Variants in PSG11 observed in about 807,000 individuals in gnomAD.
PSG11 encodes pregnancy specific beta-1-glycoprotein 11, also known as pregnancy-specific beta-1-glycoprotein 11.
PSG11 carries 42 observed loss-of-function variants against 36.0 expected under a neutral mutation model. The observed-to-expected ratio is 1.17, with a 90% CI of 0.91 to 1.51. The LOEUF (loss-of-function observed/expected upper bound fraction) is 1.51, where lower values mean the gene tolerates loss of function less well. Among genes scored for constraint, PSG11 ranks in the 40% most tolerant of loss-of-function variants. PSG11 has a pLI of 0.00. For synonymous variants in PSG11, 206 were observed against 153.5 expected (o/e 1.34, Z -2.53); for missense variants, 558 against 403.5 (o/e 1.38, Z -3.28).
intron 3 of PSG11, among the ~76,000 whole-genome samples, chr19:43,017,986 C>T (rs1229187241): frequency 2.6e-5 from 4 of 151,198 alleles, no homozygotes; most frequent in Non-Finnish European, 4.4e-5. Context: ...GGTTTTGGAG[C>T]AGAAACATAT....
At chr19:43,014,977 G>A in intron 4 of PSG11, 139 bp downstream of exon 4, 4 of 1,555,516 alleles carry the variant, frequency 2.6e-6, no homozygotes. Flanking sequence ...CAAATTGGGA[G>A]GGTTCAGGAG....
intron 1 of PSG11, among the ~76,000 whole-genome samples, chr19:43,025,934 C>CTTTTTTTTTTTTTTTTTTTT (rs1967240749): frequency 6.5e-5 from 4 of 61,480 alleles, no homozygotes; most frequent in Non-Finnish European, 8.5e-5. Context: ...TTTTTTTTTT[C>CTTTTTTTTTTTTTTTTTTTT]TCTTTTTTTT....
At chr19:43,019,463 C>T in intron 2 of PSG11, 1 of 208,498 alleles carries the variant, frequency 4.8e-6, no homozygotes, top group East Asian at 1.1e-4. Flanking sequence ...CTGCAGCTTC[C>T]CTTGCCAAGG....
At position 43,015,183 on chromosome 19, in the gene PSG11, A is replaced by G. The variant is rs1399809641; in HGVS notation, c.897T>C (p.Tyr299=). 1 of 1,611,454 alleles carries G rather than the reference A, an allele frequency of 6.2e-7. No homozygotes were observed. The highest frequency in any genetic ancestry group is 8.5e-7 in the Non-Finnish European group (1 of 1,178,434). The change falls in exon 4 of 6, where the codon TAT becomes TAC. Residue 299 remains tyrosine, a synonymous_variant. Transcript: ENST00000320078. ...PQITPKHNGL[Y]ACSARNSATG... ...TGGCTGAGTTACGAGCAGAGCAAGC[A>G]TAGAGCCCATTATGCTTTGGAGTAA...
chr19:43,018,593 A>G lies in PSG11; in HGVS notation c.709+177T>C, dbSNP rs1967023613. 3 of 1,436,444 alleles carry G rather than the reference A, an allele frequency of 2.1e-6. 1 individual carries two copies. In the Admixed American group the frequency reaches 5.7e-5, roughly 27 times the overall value. The allele number at this position is 1,436,444 out of a possible 1,614,324, so 89.0% of individuals were successfully genotyped here. A position where few individuals can be genotyped will look rare whatever the true frequency, so the allele number is the denominator to read the frequency against. ...TGACAGGAGCAGCCTCTTTTCTCCCACTGTGGATCAAGCCTAGGCCTACTG... is the reference window on the plus strand; with the variant it reads ...TGACAGGAGCAGCCTCTTTTCTCCCGCTGTGGATCAAGCCTAGGCCTACTG... On this transcript the variant is annotated intron_variant, in intron 3 of 5. Coordinates refer to ENST00000320078, the MANE Select transcript of PSG11 (RefSeq NM_002785.3).
At position 43,010,905 on chromosome 19, in the gene PSG11, A is replaced by G. The variant is rs573394484; in HGVS notation, c.965-864T>C. 4.7e-3 allele frequency among the ~76,000 whole-genome samples: 693 copies of G among 148,988 alleles called. 26 individuals carry two copies. The highest frequency in any genetic ancestry group is 0.017 in the African/African-American group (678 of 40,194). On this transcript the variant is annotated intron_variant, in intron 4 of 5. Transcript: ENST00000320078. ...CCTCTTTTTCCATATATATATATATATATATATATGGAAAAAGGAAGGTAC... is the reference window on the plus strand; with the variant it reads ...CCTCTTTTTCCATATATATATATATGTATATATATGGAAAAAGGAAGGTAC...
intron 2 of PSG11, chr19:43,024,410 G>A (rs1967184251): frequency 1.1e-5 from 6 of 558,234 alleles, no homozygotes; most frequent in Middle Eastern, 4.8e-4. Flanking sequence ...TATGAAGAGG[G>A]CATGAGGTGC....
rs962657184 is a variant in PSG11 at position 43,008,533 on chromosome 19, C to T, written c.*41-491G>A. 2.6e-5 allele frequency among the ~76,000 whole-genome samples: 4 copies of T among 151,296 alleles called. 1 individual carries two copies. The highest frequency in any genetic ancestry group is 4.4e-5 in the Non-Finnish European group (3 of 67,896). On this transcript the variant is annotated intron_variant, in intron 5 of 5. Coordinates refer to ENST00000320078, the MANE Select transcript of PSG11 (RefSeq NM_002785.3). ...CCTTATGATCCACCCACCTCAGTCT[C>T]CCAAAGTGCTGGGATTACAGGCATG... is the stretch of plus-strand genomic sequence containing the variant.
intron 2 of PSG11, among the ~76,000 whole-genome samples, chr19:43,022,043 A>T (rs1345049076): frequency 6.6e-6 from 1 of 151,514 alleles, no homozygotes; most frequent in Non-Finnish European, 1.5e-5. Flanking sequence ...AGCAAGAATG[A>T]TAATAGTTCC....
chr19:43,012,671 A>C (rs1375279846), intron 4 of PSG11, among the ~76,000 whole-genome samples: 2 of 151,582 alleles, frequency 1.3e-5, no homozygotes, highest in African/African-American at 4.9e-5. Flanking sequence ...TTTTGTTTTC[A>C]TGAATTGGAA....
At chr19:43,009,122 C>G (rs1019959122) in intron 5 of PSG11, among the ~76,000 whole-genome samples, 1 of 151,294 alleles carries the variant, frequency 6.6e-6, no homozygotes, top group Non-Finnish European at 1.5e-5. Context: ...TTTGTGTCTC[C>G]TGGGGTGGGG....
intron 4 of PSG11, among the ~76,000 whole-genome samples, chr19:43,012,025 C>T (rs1193176591): frequency 2.0e-5 from 3 of 150,962 alleles, no homozygotes; most frequent in Non-Finnish European, 2.9e-5. Context: ...AATAGACAAA[C>T]TCCTAGAAAC....
chr19:43,024,540 C>G lies in PSG11; in HGVS notation c.430+151G>C, dbSNP rs113887292. 639 of 1,441,850 alleles carry G rather than the reference C, an allele frequency of 4.4e-4. 28 individuals carry two copies. In the African/African-American group the frequency reaches 8.1e-3, roughly 18 times the overall value. 89.3% of individuals were successfully genotyped at this position (1,441,850 alleles called of 1,614,324 possible). ...TCTGATCTGTTGAAATTTGTCTCCT[C>G]TGTGTGTGTCCTGCACTAAATGCCC... On this transcript the variant is annotated intron_variant, in intron 2 of 5. Coordinates refer to ENST00000320078, the MANE Select transcript of PSG11 (RefSeq NM_002785.3).
intron 3 of PSG11, among the ~76,000 whole-genome samples, chr19:43,017,776 A>C (rs968637687): frequency 6.6e-6 from 1 of 151,502 alleles, no homozygotes; most frequent in Non-Finnish European, 1.5e-5. Flanking sequence ...TATTGTCTTT[A>C]ATTTCTTTCA....
Position 43,023,497 on chromosome 19 carries a change from C to T in PSG11, c.430+1194G>A, listed in dbSNP as rs1222694083. ...TTAAGATCTGAGGGGGAGGCCTGGA[C>T]ATTTTTTTTGCACTGACTTTGATGG... is the stretch of plus-strand genomic sequence containing the variant. On this transcript the variant is annotated intron_variant, in intron 2 of 5. Transcript: ENST00000320078. Among the ~76,000 whole-genome samples, 3 of 151,090 alleles carry T rather than the reference C, an allele frequency of 2.0e-5. 1 individual carries two copies. The highest frequency in any genetic ancestry group is 4.4e-5 in the Non-Finnish European group (3 of 67,810).
intron 2 of PSG11, among the ~76,000 whole-genome samples, chr19:43,024,108 G>A (rs1410105333): frequency 6.6e-6 from 1 of 151,374 alleles, no homozygotes; most frequent in Non-Finnish European, 1.5e-5. Context: ...AGTGTCAGGT[G>A]AAGAAAGCTC....
chr19:43,013,167 A>C (rs967543942), intron 4 of PSG11, among the ~76,000 whole-genome samples: 2 of 151,386 alleles, frequency 1.3e-5, no homozygotes, highest in Non-Finnish European at 2.9e-5. Flanking sequence ...AAAACTATAC[A>C]ACTCTTAGAA....
In PSG11 at chr19:43,024,750, A is replaced by T; in HGVS notation, c.371T>A (p.Ile124Asn). 1.9e-6 allele frequency: 3 copies of T among 1,611,792 alleles called. No individual in the cohort carries two copies. Among genetic ancestry groups the T allele is most frequent in the Non-Finnish European group, 8.5e-7 (1 of 1,178,986 alleles). ...TCTAGTCCCATCACCTCGCTTTATG[A>T]TGTGTAAGGTGTAGGATCCTGCGTC... is the stretch of plus-strand genomic sequence containing the variant. Reference protein sequence around the residue: ...REDAGSYTLHIIKRGDGTRGV... With the variant: ...REDAGSYTLHNIKRGDGTRGV... Residue 124 changes from isoleucine to asparagine, a missense_variant, in exon 2 of 6, where the codon ATC becomes AAC. By Grantham distance (149) the Ile-to-Asn change is moderately radical. Transcript: ENST00000320078.
At position 43,015,219 on chromosome 19, in the gene PSG11, A is replaced by G; in HGVS notation, c.861T>C (p.Phe287=). 1.9e-6 allele frequency: 3 copies of G among 1,611,466 alleles called. No individual in the cohort carries two copies. Among genetic ancestry groups the G allele is most frequent in the African/African-American group, 1.3e-5 (1 of 74,524 alleles). ...TATGCTTTGGAGTAATCTGAGGGAT[A>G]AAGAGCTTTTGTCCTGATAGCTGAA... ...GKFQLSGQKL[F]IPQITPKHNG... is the part of the protein sequence containing the mutation. Residue 287 remains phenylalanine, a synonymous_variant, in exon 4 of 6, where the codon TTT becomes TTC. Transcript: ENST00000320078.
Sources: allele counts gnomAD v4.1 joint callset (sites outside exome capture counted in the v4.1 genomes callset), GRCh38; gene constraint gnomAD v4.1.1; transcripts MANE v1.5; gene names NCBI Gene and HGNC (gene_info 2026-07-23, HGNC 2026-07-21).